The following MYH11 variants were observed in gnomAD, a reference collection of about 807,000 sequenced individuals.
The protein encoded by MYH11 is myosin heavy chain 11, also known as myosin-11.
Under a neutral mutation model 246.6 loss-of-function variants are expected in MYH11, and 80 were observed. The observed-to-expected ratio is 0.32, with a 90% CI of 0.27 to 0.39. The LOEUF (loss-of-function observed/expected upper bound fraction) is 0.39, where lower values mean the gene tolerates loss of function less well. Among genes scored for constraint, MYH11 ranks in the 10% least tolerant of loss-of-function variants. The pLI, the probability that MYH11 is intolerant of heterozygous loss-of-function variation, is 1.00. For missense variants in MYH11, 2,158 were observed against 2,546.8 expected, an observed-to-expected ratio of 0.85 and a Z score of 3.29; for synonymous variants, 1,071 against 1,015.5, an observed-to-expected ratio of 1.05 and a Z score of -1.04.
chr16:15,765,766 C>T (rs1429902846), intron 9 of MYH11, among the ~76,000 whole-genome samples: 4 of 152,136 alleles, frequency 2.6e-5, no homozygotes, highest in Admixed American at 2.0e-4. Flanking sequence ...AGCCTTCTCC[C>T]CAAAATGAAT....
At chr16:15,803,210 C>T (rs146840617) in intron 3 of MYH11, among the ~76,000 whole-genome samples, 272 of 152,084 alleles carry the variant, frequency 1.8e-3, no homozygotes, top group Middle Eastern at 0.014. Flanking sequence ...GACAGATACC[C>T]GTGCCTTTAG....
rs576893661 is a variant in MYH11 at position 15,777,372 on chromosome 16, C to T, written c.791-1196G>A. Among the ~76,000 whole-genome samples, 5 of 152,272 alleles carry T rather than the reference C, an allele frequency of 3.3e-5. 1 individual carries two copies. Among genetic ancestry groups the T allele is most frequent in the African/African-American group, 9.6e-5 (4 of 41,542 alleles). On this transcript the variant is annotated intron_variant, in intron 7 of 40. Coordinates refer to ENST00000300036, the MANE Select transcript of MYH11 (RefSeq NM_002474.3). ...CTGACCTCAAGTGGTCTGCCCGCCTCGGCCTCCCAAAGTGCTGGAATTACA... is the reference window on the plus strand; with the variant it reads ...CTGACCTCAAGTGGTCTGCCCGCCTTGGCCTCCCAAAGTGCTGGAATTACA...
At chr16:15,842,049 T>C (rs574094625) in intron 1 of MYH11, among the ~76,000 whole-genome samples, 1 of 152,272 alleles carries the variant, frequency 6.6e-6, no homozygotes, top group South Asian at 2.1e-4. Context: ...CCAATACCTA[T>C]TTTTTTCCTT....
At position 15,836,704 on chromosome 16, in the gene MYH11, A is replaced by C. The variant is rs1032330609; in HGVS notation, c.345+1204T>G. On this transcript the variant is annotated intron_variant, in intron 2 of 40. Coordinates refer to ENST00000300036, the MANE Select transcript of MYH11 (RefSeq NM_002474.3). The stretch of plus-strand genomic sequence containing the variant: ...TGTGAGCCCACGCACCCAGCTAATA[A>C]ATTTTTTAATGTTTCTTTTTTTTTT... Among the ~76,000 whole-genome samples, 5 of 143,476 alleles carry C rather than the reference A, an allele frequency of 3.5e-5. No individual in the cohort carries two copies. The East Asian group carries it at 8.4e-4, about 24-fold the overall frequency. The allele number at this position is 143,476 out of a possible 152,430, so 94.1% of individuals were successfully genotyped here. A position where few individuals can be genotyped will look rare whatever the true frequency, so the allele number is the denominator to read the frequency against.
At chr16:15,816,245 TA>T (rs1355401340) in intron 3 of MYH11, among the ~76,000 whole-genome samples, 3 of 152,166 alleles carry the variant, frequency 2.0e-5, no homozygotes, top group African/African-American at 7.2e-5. Flanking sequence ...AGTTACTAGC[TA>T]TAGAGAAAGC....
At chr16:15,709,843 A>C (rs1200504383) in intron 40 of MYH11, among the ~76,000 whole-genome samples, 1 of 152,158 alleles carries the variant, frequency 6.6e-6, no homozygotes, top group East Asian at 1.9e-4. Context: ...GCCTCTAGCA[A>C]GAGAGGAGAG....
At chr16:15,811,725 GA>G (rs1166020249) in intron 3 of MYH11, among the ~76,000 whole-genome samples, 1 of 152,098 alleles carries the variant, frequency 6.6e-6, no homozygotes, top group Non-Finnish European at 1.5e-5. Flanking sequence ...GCAAAGTGGA[GA>G]AAGTCGTTTG....
At chr16:15,783,376 G>GCC (rs2042399844) in intron 5 of MYH11, 1 of 152,250 alleles carries the variant, frequency 6.6e-6, no homozygotes, top group African/African-American at 2.4e-5. Context: ...AGCCGGGAAA[G>GCC]TGTCTAGAGG....
rs771515309 is a variant in MYH11, at chr16:15,726,985, G to A, written c.3721C>T (p.Arg1241Trp). 1.7e-5 allele frequency: 28 copies of A among 1,611,784 alleles called. No homozygotes were observed. In the Middle Eastern group the frequency reaches 1.3e-3, roughly 76 times the overall value. ...KENADLAGEL[R>W]VLGQAKQEVE... is the part of the protein sequence containing the mutation. ...TCCTGCTTGGCCTGGCCCAGGACCC[G>A]CAGCTCCCCGGCCAGGTCTGCGTTC... Residue 1241 changes from arginine to tryptophan, a missense_variant, in exon 28 of 41, where the codon CGG (arginine) becomes TGG (tryptophan). Transcript: ENST00000300036.
intron 19 of MYH11, among the ~76,000 whole-genome samples, chr16:15,746,852 C>A (rs897483016): frequency 6.6e-6 from 1 of 152,168 alleles, no homozygotes. Flanking sequence ...CTTTGGGAGG[C>A]CAAGGCAGGT....
intron 27 of MYH11, among the ~76,000 whole-genome samples, chr16:15,731,906 A>T (rs947598518): frequency 1.3e-5 from 2 of 152,022 alleles, no homozygotes; most frequent in African/African-American, 4.8e-5. Context: ...CTCCCACCTC[A>T]GCCTCCCAAA....
chr16:15,827,279 C>T lies in MYH11; in HGVS notation c.346-3868G>A, dbSNP rs567363310. On this transcript the variant is annotated intron_variant, in intron 2 of 40. Transcript: ENST00000300036. ...AGGAACAAGGAAGGGAAGGCCCTAACCCACATTGGGGGTGGTCAGGGAAAC... is the reference window on the plus strand; with the variant it reads ...AGGAACAAGGAAGGGAAGGCCCTAATCCACATTGGGGGTGGTCAGGGAAAC... Among the ~76,000 whole-genome samples the T allele has an allele frequency of 1.6e-4, 25 of 152,282 alleles. No individual in the cohort carries two copies. In the East Asian group the frequency reaches 2.9e-3, roughly 18 times the overall value.
chr16:15,740,424 A>G (rs1376989360), intron 22 of MYH11, among the ~76,000 whole-genome samples: 2 of 152,018 alleles, frequency 1.3e-5, no homozygotes, highest in Non-Finnish European at 1.5e-5. Context: ...CCTGGCCAAC[A>G]TGGTGAAACC....
rs759428938 is a variant in MYH11, at chr16:15,757,932, G to T, written c.1470C>A (p.Thr490=). The T allele has an allele frequency of 1.2e-6, 2 of 1,614,216 alleles. No individual in the cohort carries two copies. The highest frequency in any genetic ancestry group is 4.5e-5 in the East Asian group (2 of 44,882). The change falls in exon 13 of 41, where the codon ACC becomes ACA. Residue 490 remains threonine (T), a synonymous_variant. Transcript: ENST00000300036. ...ACTCCTCCTGCTCCAGGATGAACAT[G>T]GTGTGGTTGAAGAGCTGCTGCAGCT... ...NEKLQQLFNH[T]MFILEQEEYQ... is the part of the protein sequence containing the mutation.
chr16:15,703,588 G>GGGT lies in MYH11; in HGVS notation c.*400_*402dup, dbSNP rs1223573737. ...TTTACCTTGAATACAGGGGTAGTAG[G>GGGT]GGTGGTGGTGGTGGTGGTGGTTGAG... is the stretch of plus-strand genomic sequence containing the variant. On this transcript the variant is annotated 3_prime_UTR_variant, in exon 41 of 41. Transcript: ENST00000300036. The GGGT allele has an allele frequency of 8.2e-4, 310 of 376,018 alleles. 1 individual carries two copies. The highest frequency in any genetic ancestry group is 3.9e-3 in the Middle Eastern group (9 of 2,294). 23.3% of individuals were successfully genotyped at this position (376,018 alleles called of 1,614,324 possible). A position where few individuals can be genotyped will look rare whatever the true frequency, so the allele number is the denominator to read the frequency against.
intron 27 of MYH11, among the ~76,000 whole-genome samples, chr16:15,731,140 G>C (rs1286542738): frequency 6.6e-6 from 1 of 152,216 alleles, no homozygotes; most frequent in Non-Finnish European, 1.5e-5. Flanking sequence ...CCAGTCTGCA[G>C]AGAAATTAAA....
intron 3 of MYH11, among the ~76,000 whole-genome samples, chr16:15,822,013 C>T (rs2043427684): frequency 6.6e-6 from 1 of 152,228 alleles, no homozygotes; most frequent in Admixed American, 6.5e-5. Flanking sequence ...TGCAAGGCTC[C>T]ACCTGCTGGT....
chr16:15,705,004 T>G (rs572610791), intron 40 of MYH11, among the ~76,000 whole-genome samples: 1 of 152,034 alleles, frequency 6.6e-6, no homozygotes, highest in African/African-American at 2.4e-5. Context: ...AAAAAGAAAT[T>G]TAAGAGTCTC....
At chr16:15,773,533 G>A (rs888473875) in intron 8 of MYH11, among the ~76,000 whole-genome samples, 1 of 151,928 alleles carries the variant, frequency 6.6e-6, no homozygotes, top group Admixed American at 6.6e-5. Flanking sequence ...TGATCCACCC[G>A]CCTCAGCCTC....
Sources: gnomAD v4.1 joint callset for allele counts (sites outside exome capture counted in the v4.1 genomes callset) on GRCh38, gnomAD v4.1.1 for gene constraint, MANE v1.5 for transcripts, NCBI Gene and HGNC (gene_info 2026-07-23, HGNC 2026-07-21) for gene names.